The following FOLH1 variants were observed in gnomAD, a reference collection of about 807,000 sequenced individuals.
FOLH1 encodes the protein glutamate carboxypeptidase 2.
In FOLH1, 54 loss-of-function variants were observed where a neutral mutation model predicts 93.9. The ratio of observed to expected loss-of-function variants is 0.57; its 90% CI spans 0.46 to 0.72. The LOEUF is 0.72. Ranked by LOEUF, FOLH1 falls within the 30% of genes least tolerant of loss-of-function variation. FOLH1 has a pLI of 0.00. For missense variants in FOLH1, 571 were observed against 892.5 expected (o/e 0.64, Z 4.59); for synonymous variants, 249 against 303.6 (o/e 0.82, Z 1.87).
chr11:49,170,501 G>C (rs1434555992), intron 11 of FOLH1, among the ~76,000 whole-genome samples: 2 of 152,056 alleles, frequency 1.3e-5, no homozygotes, highest in Admixed American at 1.3e-4. Context: ...TGTAATCCCA[G>C]CTACTCAGGA....
chr11:49,205,478 G>T (rs1906033), intron 2 of FOLH1, among the ~76,000 whole-genome samples: 1 of 152,096 alleles, frequency 6.6e-6, no homozygotes, highest in Non-Finnish European at 1.5e-5. Flanking sequence ...GCTCAGAAAG[G>T]TTAAGTATTC....
At chr11:49,159,385 T>TA (rs1189908502) in intron 13 of FOLH1, among the ~76,000 whole-genome samples, 1 of 152,370 alleles carries the variant, frequency 6.6e-6, no homozygotes, top group African/African-American at 2.4e-5. Context: ...TTTATTGAGA[T>TA]AATCATGTGG....
At position 49,146,795 on chromosome 11, in the gene FOLH1, T is replaced by C; in HGVS notation, c.2214A>G (p.Thr738=). 6.2e-7 allele frequency: 1 copy of C among 1,613,416 alleles called. No homozygotes were observed. Among genetic ancestry groups the C allele is most frequent in the South Asian group, 1.1e-5 (1 of 91,062 alleles). Residue 738 remains threonine, a synonymous_variant, in exon 19 of 19, where the codon ACA becomes ACG. Transcript: ENST00000256999. The part of the protein sequence containing the change: ...VKRQIYVAAF[T]VQAAAETLSE... The stretch of plus-strand genomic sequence containing the variant: ...TCAAAGTCTCTGCAGCTGCCTGCAC[T>C]GTGAAGGCTGCAACATAAATCTGTC...
intron 17 of FOLH1, among the ~76,000 whole-genome samples, chr11:49,153,018 G>T (rs1198810631): frequency 6.6e-6 from 1 of 151,940 alleles, no homozygotes; most frequent in Non-Finnish European, 1.5e-5. Context: ...TTTCCTTATA[G>T]ATCACCAAGC....
chr11:49,205,459 G>C (rs1007659805), intron 2 of FOLH1, among the ~76,000 whole-genome samples: 2 of 152,096 alleles, frequency 1.3e-5, no homozygotes, highest in African/African-American at 2.4e-5. Flanking sequence ...TACAGATGTG[G>C]AAAAGAGAGC....
intron 2 of FOLH1, among the ~76,000 whole-genome samples, chr11:49,205,759 C>G (rs1156484087): frequency 2.0e-5 from 3 of 152,124 alleles, no homozygotes; most frequent in Non-Finnish European, 2.9e-5. Flanking sequence ...TCAGAACTGA[C>G]TGTTTATGTA....
chr11:49,188,293 T>C (rs1487421558), intron 4 of FOLH1, among the ~76,000 whole-genome samples: 1 of 152,054 alleles, frequency 6.6e-6, no homozygotes, highest in Non-Finnish European at 1.5e-5. Context: ...GTTGGGTGGA[T>C]CACTTGAGGT....
chr11:49,186,617 G>T, intron 5 of FOLH1, 27 bp downstream of exon 5: 3 of 1,537,282 alleles, frequency 2.0e-6, no homozygotes, highest in East Asian at 4.5e-5. Context: ...TTGGGGGAGA[G>T]AAAAAAAGAG....
rs564493560 is a variant in FOLH1, at chr11:49,154,498, G to T, written c.1624-6C>A. 20 of 1,543,086 alleles carry T rather than the reference G, an allele frequency of 1.3e-5. No individual in the cohort carries two copies. The Middle Eastern group carries it at 8.8e-4, about 68-fold the overall frequency. ...CCGCTGAATTTGTTTGTTTCCTACA[G>T]AAAAAACAACAAAACATATCTCTTA... On this transcript the variant is annotated splice_polypyrimidine_tract_variant and splice_region_variant and intron_variant, in intron 15 of 18. Coordinates refer to ENST00000256999, the MANE Select transcript of FOLH1 (RefSeq NM_004476.3).
intron 7 of FOLH1, among the ~76,000 whole-genome samples, chr11:49,178,621 T>G (rs1301075306): frequency 6.6e-6 from 1 of 152,120 alleles, no homozygotes; most frequent in Non-Finnish European, 1.5e-5. Context: ...TCTCTTTAGG[T>G]TCTCTTTAGG....
chr11:49,163,330 G>C (rs1204028645), intron 13 of FOLH1, among the ~76,000 whole-genome samples: 5 of 151,888 alleles, frequency 3.3e-5, no homozygotes, highest in African/African-American at 1.2e-4. Flanking sequence ...GAACGTAGTT[G>C]GGGATCTGCT....
At chr11:49,186,521 T>C in intron 5 of FOLH1, 123 bp downstream of exon 5, 4 of 1,129,832 alleles carry the variant, frequency 3.5e-6, no homozygotes, top group Non-Finnish European at 5.0e-6. Flanking sequence ...AAGGTGGGCA[T>C]GTCACAGAAT....
chr11:49,154,516 A>G lies in FOLH1; in HGVS notation c.1624-24T>C, dbSNP rs776732229. The G allele has an allele frequency of 4.5e-6, 7 of 1,559,504 alleles. No homozygotes were observed. The East Asian group carries it at 1.1e-4, about 26-fold the overall frequency. On this transcript the variant is annotated intron_variant, in intron 15 of 18. Transcript: ENST00000256999. ...TCCTACAGAAAAAACAACAAAACAT[A>G]TCTCTTATAGGATAGCTTACAAAAA... is the stretch of plus-strand genomic sequence containing the variant.
chr11:49,174,756 T>C (rs1220905783), intron 9 of FOLH1, 136 bp downstream of exon 9: 2 of 767,378 alleles, frequency 2.6e-6, no homozygotes, highest in Admixed American at 2.9e-5. Flanking sequence ...CCTTTGTTTT[T>C]AGGTGAGTTC....
intron 15 of FOLH1, 72 bp downstream of exon 15, chr11:49,156,645 T>G (rs1857067523): frequency 6.3e-7 from 1 of 1,582,276 alleles, no homozygotes; most frequent in African/African-American, 1.4e-5. Context: ...TGAGTCACTT[T>G]TTGGAGTCAG....
intron 18 of FOLH1, among the ~76,000 whole-genome samples, chr11:49,147,640 A>T (rs141939374): frequency 6.6e-6 from 1 of 152,256 alleles, no homozygotes; most frequent in Non-Finnish European, 1.5e-5. Context: ...AGATGTAAAT[A>T]AGGCCAGAAG....
intron 7 of FOLH1, among the ~76,000 whole-genome samples, chr11:49,181,867 C>T (rs1490892918): frequency 6.6e-6 from 1 of 152,126 alleles, no homozygotes; most frequent in African/African-American, 2.4e-5. Context: ...AGCCTCCTCA[C>T]CTCTAAAAAT....
intron 12 of FOLH1, among the ~76,000 whole-genome samples, chr11:49,166,550 C>T (rs1858435800): frequency 6.6e-6 from 1 of 152,172 alleles, no homozygotes; most frequent in Admixed American, 6.5e-5. Flanking sequence ...TTAATGCCAA[C>T]ATGATGGAAA....
intron 15 of FOLH1, among the ~76,000 whole-genome samples, chr11:49,155,386 TG>T (rs1856896012): frequency 6.6e-6 from 1 of 152,106 alleles, no homozygotes; most frequent in Non-Finnish European, 1.5e-5. Flanking sequence ...ATTTTCCATC[TG>T]GGAAGAATAG....
Sources: allele counts gnomAD v4.1 joint callset (sites outside exome capture counted in the v4.1 genomes callset), GRCh38; gene constraint gnomAD v4.1.1; transcripts MANE v1.5; gene names NCBI Gene and HGNC (gene_info 2026-07-23, HGNC 2026-07-21).